Variants in KIAA1958 observed in about 807,000 individuals in gnomAD.
KIAA1958 encodes uncharacterized protein KIAA1958.
A neutral mutation model predicts 47.2 loss-of-function variants in KIAA1958; 14 were observed. The observed-to-expected ratio is 0.30, with a 90% CI of 0.20 to 0.46. KIAA1958 has a LOEUF of 0.46. KIAA1958 is among the 20% of genes least tolerant of loss of function. The pLI is 1.00. For missense variants in KIAA1958, 803 were observed against 909.2 expected, an observed-to-expected ratio of 0.88 and a Z score of 1.50; for synonymous variants, 354 against 353.3, an observed-to-expected ratio of 1.00 and a Z score of -0.02.
intron 2 of KIAA1958, among the ~76,000 whole-genome samples, chr9:112,637,315 G>A (rs1412857812): frequency 2.6e-5 from 4 of 151,708 alleles, no homozygotes; most frequent in South Asian, 2.1e-4. Flanking sequence ...ATTTTTTAGC[G>A]CTTGACTGCT....
At chr9:112,517,777 A>G (rs1564156280) in intron 1 of KIAA1958, among the ~76,000 whole-genome samples, 1 of 152,248 alleles carries the variant, frequency 6.6e-6, no homozygotes, top group African/African-American at 2.4e-5. Context: ...GATGGGCAAA[A>G]GATTTGAACA....
chr9:112,565,489 C>T (rs565244278), intron 1 of KIAA1958, among the ~76,000 whole-genome samples: 124 of 152,176 alleles, frequency 8.1e-4, no homozygotes, highest in Non-Finnish European at 1.3e-3. Context: ...TGGGGAAGTG[C>T]CACCTGAAGT....
At chr9:112,554,886 T>A (rs1038993465) in intron 1 of KIAA1958, among the ~76,000 whole-genome samples, 1 of 152,172 alleles carries the variant, frequency 6.6e-6, no homozygotes, top group Non-Finnish European at 1.5e-5. Flanking sequence ...CCTAGTCAGC[T>A]GAGCCCAGGG....
At chr9:112,519,152 A>G (rs1391149435) in intron 1 of KIAA1958, among the ~76,000 whole-genome samples, 1 of 152,056 alleles carries the variant, frequency 6.6e-6, no homozygotes, top group Admixed American at 6.6e-5. Context: ...TATGTTACCC[A>G]GGTTGGTCTT....
chr9:112,630,294 T>A (rs749651127), intron 2 of KIAA1958, among the ~76,000 whole-genome samples: 11 of 152,058 alleles, frequency 7.2e-5, no homozygotes, highest in Non-Finnish European at 1.6e-4. Context: ...CTGTTGGCCA[T>A]TTTTCTTTAC....
chr9:112,589,116 C>T (rs1377592587), intron 2 of KIAA1958, among the ~76,000 whole-genome samples: 1 of 152,128 alleles, frequency 6.6e-6, no homozygotes, highest in Non-Finnish European at 1.5e-5. Flanking sequence ...AATGCTTGTT[C>T]CTTTTGCAAG....
intron 2 of KIAA1958, among the ~76,000 whole-genome samples, chr9:112,587,866 G>A (rs1835852839): frequency 6.6e-6 from 1 of 152,094 alleles, no homozygotes; most frequent in Admixed American, 6.5e-5. Flanking sequence ...ATATACCTCT[G>A]TTTCTTGATT....
Position 112,501,182 on chromosome 9 carries a change from G to A in KIAA1958, c.-25+14064G>A, listed in dbSNP as rs1250726489. ...TCAACAAAATAATGAGATTAAAAAGGAAGGAGCACACTTTGGGAGGCTGAG... is the reference window on the plus strand; with the variant it reads ...TCAACAAAATAATGAGATTAAAAAGAAAGGAGCACACTTTGGGAGGCTGAG... On this transcript the variant is annotated intron_variant, in intron 1 of 3. Coordinates refer to ENST00000337530, the MANE Select transcript of KIAA1958 (RefSeq NM_133465.4). Among the ~76,000 whole-genome samples, 4 of 151,444 alleles carry A rather than the reference G, an allele frequency of 2.6e-5. No individual in the cohort carries two copies. The East Asian group carries it at 7.7e-4, about 29-fold the overall frequency.
intron 1 of KIAA1958, among the ~76,000 whole-genome samples, chr9:112,549,620 T>C (rs1343122524): frequency 6.6e-6 from 1 of 152,208 alleles, no homozygotes; most frequent in Non-Finnish European, 1.5e-5. Context: ...GCTAATACTC[T>C]GGTAGGGGTA....
At chr9:112,576,440 A>G (rs1205867085) in intron 2 of KIAA1958, among the ~76,000 whole-genome samples, 5 of 152,208 alleles carry the variant, frequency 3.3e-5, no homozygotes, top group Non-Finnish European at 7.3e-5. Flanking sequence ...TTGTACAACT[A>G]TCGCTATTAT....
intron 1 of KIAA1958, among the ~76,000 whole-genome samples, chr9:112,521,377 T>G (rs1834540627): frequency 6.6e-6 from 1 of 152,226 alleles, no homozygotes; most frequent in Non-Finnish European, 1.5e-5. Flanking sequence ...TATGCCCGGC[T>G]AATTTTTTAA....
At chr9:112,488,270 A>G (rs1833905360) in intron 1 of KIAA1958, among the ~76,000 whole-genome samples, 2 of 152,158 alleles carry the variant, frequency 1.3e-5, no homozygotes, top group Non-Finnish European at 2.9e-5. Flanking sequence ...ATATAACCCA[A>G]CGATTGGGTT....
At chr9:112,610,380 CAA>C (rs1182556417) in intron 2 of KIAA1958, among the ~76,000 whole-genome samples, 2 of 151,464 alleles carry the variant, frequency 1.3e-5, no homozygotes, top group African/African-American at 4.9e-5. Context: ...AAAGTAGAAC[CAA>C]TGAAAAAATA....
At chr9:112,651,706 A>G (rs563078704) in intron 3 of KIAA1958, among the ~76,000 whole-genome samples, 12 of 151,738 alleles carry the variant, frequency 7.9e-5, no homozygotes, top group African/African-American at 2.9e-4. Context: ...AAATTAAATT[A>G]TAAATTAATT....
At chr9:112,635,405 A>G (rs1273896609) in intron 2 of KIAA1958, among the ~76,000 whole-genome samples, 1 of 152,018 alleles carries the variant, frequency 6.6e-6, no homozygotes, top group East Asian at 1.9e-4. Context: ...GCATGCCACC[A>G]CACCTGCCTA....
intron 2 of KIAA1958, among the ~76,000 whole-genome samples, chr9:112,615,436 A>G (rs1019493122): frequency 2.0e-5 from 3 of 151,572 alleles, no homozygotes; most frequent in Admixed American, 2.0e-4. Flanking sequence ...AAAAAAAAAA[A>G]GAGGAGCAAC....
rs1160504955 is a variant in KIAA1958, at chr9:112,667,603, T to G, written c.*7534T>G. On this transcript the variant is annotated 3_prime_UTR_variant, in exon 4 of 4. Coordinates refer to ENST00000337530, the MANE Select transcript of KIAA1958 (RefSeq NM_133465.4). Reference sequence around the variant, plus strand: ...AAAAACAGAAAAAAAAGTAACAAATTGCCTGTAAGAAAACCAAAGAGCATC... The same window carrying G: ...AAAAACAGAAAAAAAAGTAACAAATGGCCTGTAAGAAAACCAAAGAGCATC... 1.3e-5 allele frequency: 2 copies of G among 151,946 alleles called. No homozygotes were observed. Among genetic ancestry groups the G allele is most frequent in the African/African-American group, 2.4e-5 (1 of 41,360 alleles). The allele number at this position is 151,946 out of a possible 1,614,324, so 9.4% of individuals were successfully genotyped here.
At chr9:112,547,982 T>G (rs190040884) in intron 1 of KIAA1958, among the ~76,000 whole-genome samples, 1 of 149,494 alleles carries the variant, frequency 6.7e-6, no homozygotes, top group African/African-American at 2.5e-5. Context: ...TTTCAACCAA[T>G]TGCCAGTCAG....
chr9:112,507,610 A>G (rs1779300905), intron 1 of KIAA1958, among the ~76,000 whole-genome samples: 1 of 152,138 alleles, frequency 6.6e-6, no homozygotes. Context: ...TGGACTCCCA[A>G]AGTGCTGGGA....
Sources: allele counts gnomAD v4.1 joint callset (sites outside exome capture counted in the v4.1 genomes callset), GRCh38; gene constraint gnomAD v4.1.1; transcripts MANE v1.5; gene names NCBI Gene and HGNC (gene_info 2026-07-23, HGNC 2026-07-21).